The following DNAH8 variants were observed in gnomAD, a reference collection of about 807,000 sequenced individuals.
DNAH8 encodes axonemal beta dynein heavy chain 8.
DNAH8 carries 382 observed loss-of-function variants against 562.1 expected under a neutral mutation model. The observed-to-expected ratio is 0.68, with a 90% CI of 0.63 to 0.74. The LOEUF is 0.74. Among genes scored for constraint, DNAH8 ranks in the 30% least tolerant of loss-of-function variants. The probability of loss-of-function intolerance (pLI) is 0.00; values close to 1 mark genes in which losing one functional copy is unlikely to be tolerated. For missense variants in DNAH8, 5,203 were observed against 5,620.4 expected, an observed-to-expected ratio of 0.93 and a Z score of 2.37; for synonymous variants, 1,881 against 1,919.4, an observed-to-expected ratio of 0.98 and a Z score of 0.52.
chr6:38,794,763 A>G (rs1438469308), intron 21 of DNAH8, among the ~76,000 whole-genome samples: 1 of 152,218 alleles, frequency 6.6e-6, no homozygotes, highest in Non-Finnish European at 1.5e-5. Flanking sequence ...TCATTGCTGT[A>G]TAGTATTACA....
chr6:38,764,385 A>T (rs997312285), intron 11 of DNAH8: 1 of 153,162 alleles, frequency 6.5e-6, no homozygotes, highest in African/African-American at 2.4e-5. Context: ...TACCAATTAT[A>T]TGAACACACA....
In DNAH8 at chr6:38,929,686, AAAAAAAGAAAGAAAGAAAGAAAAG is replaced by A; in HGVS notation, c.11274+26_11274+49del. ...TTCAAGGTGAGCTTTGTAAAAAAAA[AAAAAAAGAAAGAAAGAAAGAAAAG>A]AAAAAGAAAAAAAGAAAAAAATTAA... On this transcript the variant is annotated intron_variant, in intron 75 of 92. Coordinates refer to ENST00000327475, the MANE Select transcript of DNAH8 (RefSeq NM_001206927.2). The A allele has an allele frequency of 6.6e-7, 1 of 1,514,048 alleles. No homozygotes were observed. The highest frequency in any genetic ancestry group is 2.3e-5 in the Admixed American group (1 of 43,404). The allele number at this position is 1,514,048 out of a possible 1,614,324, so 93.8% of individuals were successfully genotyped here.
rs1481661273 is a variant in DNAH8, at chr6:38,794,419, C to T, written c.2901+2745C>T. Among the ~76,000 whole-genome samples, 4 of 151,920 alleles carry T rather than the reference C, an allele frequency of 2.6e-5. No individual in the cohort carries two copies. In the East Asian group the frequency reaches 7.7e-4, roughly 29 times the overall value. ...TAAAAAAATTGAGATGTAACATATA[C>T]TCAGAAAAGTGCACAAATTTTAAGT... is the stretch of plus-strand genomic sequence containing the variant. On this transcript the variant is annotated intron_variant, in intron 21 of 92. Transcript: ENST00000327475.
chr6:38,939,098 C>T (rs937131519), intron 79 of DNAH8, 110 bp downstream of exon 79: 11 of 836,762 alleles, frequency 1.3e-5, no homozygotes, highest in African/African-American at 3.4e-5. Flanking sequence ...GATGTTCTAA[C>T]GAAAGTTTAA....
At chr6:38,938,729 C>T in intron 78 of DNAH8, 69 bp from the exon 79 acceptor site, 1 of 1,104,508 alleles carries the variant, frequency 9.1e-7, no homozygotes. Flanking sequence ...CATGTGTACC[C>T]CTGAACTTGA....
chr6:38,997,601 T>C lies in DNAH8; in HGVS notation c.13214+7429T>C, dbSNP rs538518258. Reference sequence around the variant, plus strand: ...TGGACTGGAGCCCAGGTGAAAGATTTGAATGCATGTGTGCAGAGATAACAG... The same window carrying C: ...TGGACTGGAGCCCAGGTGAAAGATTCGAATGCATGTGTGCAGAGATAACAG... On this transcript the variant is annotated intron_variant, in intron 88 of 92. Coordinates refer to ENST00000327475, the MANE Select transcript of DNAH8 (RefSeq NM_001206927.2). Among the ~76,000 whole-genome samples, 10 of 152,252 alleles carry C rather than the reference T, an allele frequency of 6.6e-5. No individual in the cohort carries two copies. In the East Asian group the frequency reaches 1.7e-3, roughly 26 times the overall value.
At position 38,855,455 on chromosome 6, in the gene DNAH8, T is replaced by G. The variant is rs552480905; in HGVS notation, c.5734-2063T>G. 4.6e-5 allele frequency among the ~76,000 whole-genome samples: 7 copies of G among 152,356 alleles called. No individual in the cohort carries two copies. In the South Asian group the frequency reaches 1.2e-3, roughly 27 times the overall value. On this transcript the variant is annotated intron_variant, in intron 41 of 92. Transcript: ENST00000327475. ...TTATGACTATTAATATTTTAGTGTA[T>G]TCCCTTCCAATACGTTATTTATGTA...
intron 10 of DNAH8, among the ~76,000 whole-genome samples, chr6:38,758,740 G>A (rs934608334): frequency 2.0e-5 from 3 of 152,082 alleles, no homozygotes; most frequent in Non-Finnish European, 4.4e-5. Context: ...TATCATGAAG[G>A]GTTGTTGAAT....
chr6:39,017,434 A>G (rs1766638155), intron 91 of DNAH8, among the ~76,000 whole-genome samples: 1 of 152,120 alleles, frequency 6.6e-6, no homozygotes, highest in South Asian at 2.1e-4. Context: ...CTTTCAGAAC[A>G]TCTTAATTGA....
chr6:38,736,781 G>A lies in DNAH8; in HGVS notation c.763-286G>A, dbSNP rs75281947. Among the ~76,000 whole-genome samples the A allele has an allele frequency of 3.8e-3, 572 of 151,764 alleles. 3 individuals carry two copies. The highest frequency in any genetic ancestry group is 0.017 in the Middle Eastern group (5 of 292). ...TTTCTTTACGCAGGTTTGGTTCCAC[G>A]TCCCTCACCTTGAATAGGCTCCAGG... On this transcript the variant is annotated intron_variant, in intron 5 of 92. Transcript: ENST00000327475.
chr6:38,954,718 A>T lies in DNAH8; in HGVS notation c.12451+3198A>T, dbSNP rs1182562093. On this transcript the variant is annotated intron_variant, in intron 82 of 92. Coordinates refer to ENST00000327475, the MANE Select transcript of DNAH8 (RefSeq NM_001206927.2). ...ACTCCGTCTCAAAAAAAAAAAAAAA[A>T]AAAAAAAAAATAAATTACAGCATCT... Among the ~76,000 whole-genome samples, 6 of 151,288 alleles carry T rather than the reference A, an allele frequency of 4.0e-5. 3 individuals are homozygous for T. Among genetic ancestry groups the T allele is most frequent in the Admixed American group, 1.3e-4 (2 of 15,184 alleles).
chr6:38,850,735 A>G (rs1435411291), intron 38 of DNAH8, among the ~76,000 whole-genome samples: 1 of 152,212 alleles, frequency 6.6e-6, no homozygotes, highest in African/African-American at 2.4e-5. Context: ...GCTCTAAGAG[A>G]GGATCCTCCC....
chr6:38,765,328 T>A (rs1612377), intron 11 of DNAH8, among the ~76,000 whole-genome samples: 33,793 of 152,108 alleles, frequency 0.22, 4,203 homozygotes, highest in East Asian at 0.46. Context: ...CTCATTTGTT[T>A]TTTTTGTTTT....
intron 91 of DNAH8, among the ~76,000 whole-genome samples, chr6:39,017,964 G>A (rs556898441): frequency 1.2e-4 from 18 of 152,236 alleles, no homozygotes; most frequent in African/African-American, 4.1e-4. Flanking sequence ...AGGGACTTGG[G>A]GATAGCTTCT....
intron 88 of DNAH8, among the ~76,000 whole-genome samples, chr6:38,991,327 C>G (rs1296492325): frequency 6.6e-6 from 1 of 152,156 alleles, no homozygotes; most frequent in Non-Finnish European, 1.5e-5. Flanking sequence ...ATGATGGAAC[C>G]ACGAAGGTTC....
chr6:38,874,236 C>T (rs1173133407), intron 52 of DNAH8, among the ~76,000 whole-genome samples: 2 of 66,734 alleles, frequency 3.0e-5, no homozygotes, highest in African/African-American at 6.0e-5. Flanking sequence ...CTCTTTCTCC[C>T]CTCCCTCCCC....
At chr6:38,984,564 G>C (rs765618181) in intron 87 of DNAH8, among the ~76,000 whole-genome samples, 1 of 152,074 alleles carries the variant, frequency 6.6e-6, no homozygotes, top group East Asian at 1.9e-4. Context: ...AGACTGAGGC[G>C]GGCGGATCAC....
chr6:39,019,343 A>G (rs1766757063), intron 91 of DNAH8, among the ~76,000 whole-genome samples: 1 of 152,194 alleles, frequency 6.6e-6, no homozygotes. Context: ...AGTTAAGGGC[A>G]TTCCCATTTG....
At chr6:38,723,583 A>T (rs1160733145) in intron 3 of DNAH8, 112 bp downstream of exon 3, 35 of 1,383,064 alleles carry the variant, frequency 2.5e-5, no homozygotes, top group Non-Finnish European at 3.3e-5. Context: ...ATTCAGAAAG[A>T]CAAAGTTGGG....
Sources: allele counts gnomAD v4.1 joint callset (sites outside exome capture counted in the v4.1 genomes callset), GRCh38; gene constraint gnomAD v4.1.1; transcripts MANE v1.5; gene names NCBI Gene and HGNC (gene_info 2026-07-23, HGNC 2026-07-21).